The following ADAMTS9 variants were observed in gnomAD, a reference collection of about 807,000 sequenced individuals.
The protein encoded by ADAMTS9 is A disintegrin and metalloproteinase with thrombospondin motifs 9.
Under a neutral mutation model 257.1 loss-of-function variants are expected in ADAMTS9, and 107 were observed. The observed-to-expected ratio is 0.42, with a 90% CI of 0.36 to 0.49. The LOEUF (loss-of-function observed/expected upper bound fraction) is 0.49, where lower values mean the gene tolerates loss of function less well. Among genes scored for constraint, ADAMTS9 ranks in the 20% least tolerant of loss-of-function variants. The pLI, the probability that ADAMTS9 is intolerant of heterozygous loss-of-function variation, is 0.03. For missense variants in ADAMTS9, 2,353 were observed against 2,469.1 expected (o/e 0.95, Z 1.00); for synonymous variants, 982 against 880.9 (o/e 1.11, Z -2.03).
intron 28 of ADAMTS9, 100 bp from the exon 29 acceptor site, chr3:64,568,635 A>G: frequency 7.3e-7 from 1 of 1,372,664 alleles, no homozygotes; most frequent in Non-Finnish European, 1.0e-6. Flanking sequence ...GCCTAACAAG[A>G]GTTACCATTC....
At chr3:64,636,334 G>C (rs1343212334) in intron 12 of ADAMTS9, among the ~76,000 whole-genome samples, 1 of 152,260 alleles carries the variant, frequency 6.6e-6, no homozygotes, top group East Asian at 1.9e-4. Flanking sequence ...CTTATGGTTA[G>C]AAACATGGAC....
At chr3:64,680,045 T>C (rs1419301684) in intron 3 of ADAMTS9, among the ~76,000 whole-genome samples, 1 of 152,240 alleles carries the variant, frequency 6.6e-6, no homozygotes, top group Non-Finnish European at 1.5e-5. Flanking sequence ...AGACCTACAA[T>C]GTTACACCCT....
At chr3:64,594,810 G>A (rs1331635374) in intron 27 of ADAMTS9, among the ~76,000 whole-genome samples, 6 of 151,612 alleles carry the variant, frequency 4.0e-5, no homozygotes, top group Admixed American at 2.0e-4. Flanking sequence ...TTTTTGAGAC[G>A]GAGTCTTGCT....
At chr3:64,638,107 CT>C (rs1252681987) in intron 12 of ADAMTS9, among the ~76,000 whole-genome samples, 3 of 152,164 alleles carry the variant, frequency 2.0e-5, no homozygotes, top group African/African-American at 7.2e-5. Flanking sequence ...GTTCATAATC[CT>C]TTTAACCCTC....
In ADAMTS9 at chr3:64,682,325, A is replaced by G. The variant is rs369524870; in HGVS notation, c.517-962T>C. 1.5e-4 allele frequency among the ~76,000 whole-genome samples: 23 copies of G among 152,336 alleles called. No homozygotes were observed. The South Asian group carries it at 4.4e-3, about 29-fold the overall frequency. On this transcript the variant is annotated intron_variant, in intron 2 of 39. Coordinates refer to ENST00000498707, the MANE Select transcript of ADAMTS9 (RefSeq NM_182920.2). ...TGCCTGACACCTTGCAAAGGCTTAG[A>G]ACTCGTGAACGGTTTTTGGTGTTGC...
At chr3:64,642,540 T>C (rs1360002764) in intron 11 of ADAMTS9, among the ~76,000 whole-genome samples, 1 of 152,196 alleles carries the variant, frequency 6.6e-6, no homozygotes, top group African/African-American at 2.4e-5. Context: ...CAGAGAGCCC[T>C]AAACTTTATG....
At chr3:64,537,377 A>T (rs564673724) in intron 37 of ADAMTS9, among the ~76,000 whole-genome samples, 70 of 152,352 alleles carry the variant, frequency 4.6e-4, no homozygotes, top group African/African-American at 1.7e-3. Context: ...TCTGTTAGCC[A>T]CTAAAATGCA....
At chr3:64,614,136 AC>A (rs1265872939) in intron 21 of ADAMTS9, among the ~76,000 whole-genome samples, 1 of 152,234 alleles carries the variant, frequency 6.6e-6, no homozygotes, top group Admixed American at 6.5e-5. Context: ...TTTTTAAGCA[AC>A]TTTGGATTAT....
chr3:64,546,968 T>C lies in ADAMTS9; in HGVS notation c.4870-16A>G. The C allele has an allele frequency of 1.9e-6, 3 of 1,596,146 alleles. No individual in the cohort carries two copies. Among genetic ancestry groups the C allele is most frequent in the South Asian group, 1.2e-5 (1 of 86,432 alleles). ...TCACTGAGCACTGCAAAGACAGGGA[T>C]TGAGAGGAGAGGTTCGAGCAGTTCC... On this transcript the variant is annotated splice_polypyrimidine_tract_variant and intron_variant, in intron 31 of 39. Coordinates refer to ENST00000498707, the MANE Select transcript of ADAMTS9 (RefSeq NM_182920.2).
chr3:64,646,798 G>A (rs1700803897), intron 11 of ADAMTS9, among the ~76,000 whole-genome samples: 1 of 152,184 alleles, frequency 6.6e-6, no homozygotes, highest in Non-Finnish European at 1.5e-5. Context: ...TTCAGTTAGG[G>A]CCACTCCAGT....
intron 28 of ADAMTS9, chr3:64,587,701 C>T (rs890103226): frequency 2.0e-5 from 3 of 152,130 alleles, no homozygotes; most frequent in African/African-American, 7.2e-5. Context: ...ATCTTCCATA[C>T]TACCCCTGGA....
chr3:64,565,712 T>G (rs886533580), intron 29 of ADAMTS9: 1 of 152,230 alleles, frequency 6.6e-6, no homozygotes, highest in African/African-American at 2.4e-5. Flanking sequence ...TTTGTCAGTC[T>G]GAATCAAGAA....
At chr3:64,624,517 C>A (rs1042772126) in intron 16 of ADAMTS9, among the ~76,000 whole-genome samples, 5 of 152,092 alleles carry the variant, frequency 3.3e-5, no homozygotes, top group African/African-American at 1.2e-4. Flanking sequence ...GAGGATGAGA[C>A]AACAGCTGCT....
At chr3:64,542,914 T>TA (rs199551911) in intron 32 of ADAMTS9, among the ~76,000 whole-genome samples, 33,506 of 151,516 alleles carry the variant, frequency 0.22, 5,259 homozygotes, top group African/African-American at 0.44. Flanking sequence ...ATAGACACAA[T>TA]AAAAAATGAT....
At chr3:64,631,725 A>T in intron 15 of ADAMTS9, 83 bp downstream of exon 15, 1 of 1,317,310 alleles carries the variant, frequency 7.6e-7, no homozygotes, top group Non-Finnish European at 1.1e-6. Flanking sequence ...CTCGACATTA[A>T]TATTTTTGCA....
At chr3:64,523,557 AAAAAGCTTT>A (rs1338034689) in intron 38 of ADAMTS9, among the ~76,000 whole-genome samples, 1 of 152,228 alleles carries the variant, frequency 6.6e-6, no homozygotes, top group African/African-American at 2.4e-5. Flanking sequence ...TGTGGAGCAT[AAAAAGCTTT>A]AACTGGACAA....
chr3:64,593,997 G>A (rs1559782335), intron 28 of ADAMTS9, among the ~76,000 whole-genome samples: 3 of 149,506 alleles, frequency 2.0e-5, no homozygotes, highest in African/African-American at 7.6e-5. Context: ...GTGTGTGTGT[G>A]TGTGTATTTA....
chr3:64,648,870 A>T (rs1238218886), intron 10 of ADAMTS9, among the ~76,000 whole-genome samples: 1 of 152,152 alleles, frequency 6.6e-6, no homozygotes, highest in Non-Finnish European at 1.5e-5. Flanking sequence ...TCCTATCATG[A>T]ATAACACAAA....
intron 30 of ADAMTS9, among the ~76,000 whole-genome samples, chr3:64,558,620 G>C (rs2083372823): frequency 6.6e-6 from 1 of 152,114 alleles, no homozygotes; most frequent in Admixed American, 6.5e-5. Flanking sequence ...TCTCTAGGCA[G>C]ATGCTTGGAT....
Sources: gnomAD v4.1 joint callset for allele counts (sites outside exome capture counted in the v4.1 genomes callset) on GRCh38, gnomAD v4.1.1 for gene constraint, MANE v1.5 for transcripts, NCBI Gene and HGNC (gene_info 2026-07-23, HGNC 2026-07-21) for gene names.